Variants in NRG1 observed in about 807,000 individuals in gnomAD.
NRG1 encodes neuregulin 1, also known as pro-neuregulin-1, membrane-bound isoform.
NRG1 carries 18 observed loss-of-function variants against 63.8 expected under a neutral mutation model. The observed-to-expected ratio is 0.28, with a 90% CI of 0.19 to 0.42. The LOEUF (loss-of-function observed/expected upper bound fraction) is 0.42, where lower values mean the gene tolerates loss of function less well. NRG1 is among the 10% of genes least tolerant of loss of function. The pLI is 1.00. For missense variants in NRG1, 762 were observed against 814.7 expected (o/e 0.94, Z 0.79); for synonymous variants, 302 against 301.3 (o/e 1.00, Z -0.02).
intron 1 of NRG1, among the ~76,000 whole-genome samples, chr8:31,717,878 A>G (rs959066060): frequency 2.0e-4 from 31 of 152,192 alleles, no homozygotes; most frequent in African/African-American, 6.0e-4. Context: ...TTGAAAAATC[A>G]TGGTTGGGAA....
intron 1 of NRG1, among the ~76,000 whole-genome samples, chr8:31,779,804 T>C (rs1431724362): frequency 1.3e-5 from 2 of 152,210 alleles, no homozygotes; most frequent in African/African-American, 4.8e-5. Flanking sequence ...CAGTTTTCTA[T>C]TATATAAAAT....
intron 1 of NRG1, among the ~76,000 whole-genome samples, chr8:31,698,831 A>T (rs1810344851): frequency 6.6e-6 from 1 of 152,228 alleles, no homozygotes; most frequent in African/African-American, 2.4e-5. Context: ...GAAATTCCTG[A>T]AAAGCTAGAT....
chr8:32,070,693 C>T (rs1479569343), intron 1 of NRG1, among the ~76,000 whole-genome samples: 2 of 152,238 alleles, frequency 1.3e-5, no homozygotes, highest in Non-Finnish European at 2.9e-5. Context: ...AGCTCTCTTA[C>T]TCCCTAGAGC....
chr8:32,581,407 T>C (rs1371899205), intron 1 of NRG1, among the ~76,000 whole-genome samples: 1 of 152,210 alleles, frequency 6.6e-6, no homozygotes, highest in Non-Finnish European at 1.5e-5. Flanking sequence ...TTTACATAAA[T>C]CCTGTGCATT....
chr8:32,349,825 A>C (rs1805369006), intron 1 of NRG1, among the ~76,000 whole-genome samples: 1 of 152,184 alleles, frequency 6.6e-6, no homozygotes, highest in Non-Finnish European at 1.5e-5. Flanking sequence ...CCATGCTGAC[A>C]TTCCATATAG....
intron 1 of NRG1, among the ~76,000 whole-genome samples, chr8:32,193,189 G>T (rs1394300539): frequency 2.0e-5 from 3 of 152,162 alleles, no homozygotes; most frequent in Non-Finnish European, 2.9e-5. Flanking sequence ...CAGGGCTGGG[G>T]AGGATCCTTT....
At chr8:31,912,655 A>G (rs1363586455) in intron 1 of NRG1, among the ~76,000 whole-genome samples, 1 of 146,232 alleles carries the variant, frequency 6.8e-6, no homozygotes, top group African/African-American at 2.5e-5. Flanking sequence ...TCTTTGTAGG[A>G]GAAAGAAAGG....
chr8:31,643,277 T>C (rs1803978857), intron 1 of NRG1, among the ~76,000 whole-genome samples: 1 of 152,228 alleles, frequency 6.6e-6, no homozygotes, highest in African/African-American at 2.4e-5. Context: ...TGAGCCATAA[T>C]GCTAGGCTGG....
At chr8:32,659,550 G>A (rs1802365709) in intron 5 of NRG1, among the ~76,000 whole-genome samples, 1 of 152,128 alleles carries the variant, frequency 6.6e-6, no homozygotes, top group Non-Finnish European at 1.5e-5. Flanking sequence ...GATCTGTTTT[G>A]AAATTTATTG....
chr8:32,559,137 AC>A, intron 1 of NRG1, among the ~76,000 whole-genome samples: 1 of 147,926 alleles, frequency 6.8e-6, no homozygotes, highest in African/African-American at 2.5e-5. Context: ...CAATTTATTC[AC>A]CCCCCAAATT....
At chr8:32,176,002 CA>C (rs1328422198) in intron 1 of NRG1, among the ~76,000 whole-genome samples, 21 of 151,774 alleles carry the variant, frequency 1.4e-4, no homozygotes, top group Middle Eastern at 3.4e-3. Context: ...CATATGGAAC[CA>C]AAAAAGAGCC....
At chr8:32,752,139 T>G (rs1828851697) in intron 7 of NRG1, among the ~76,000 whole-genome samples, 1 of 152,136 alleles carries the variant, frequency 6.6e-6, no homozygotes, top group African/African-American at 2.4e-5. Flanking sequence ...CTCCTATTTC[T>G]TCACCAACTC....
intron 1 of NRG1, among the ~76,000 whole-genome samples, chr8:31,832,374 G>A (rs987244322): frequency 3.3e-5 from 5 of 150,238 alleles, no homozygotes; most frequent in Non-Finnish European, 7.4e-5. Flanking sequence ...ATCCTCCCAC[G>A]TCAGCCTCCC....
intron 1 of NRG1, among the ~76,000 whole-genome samples, chr8:32,541,449 T>C (rs1338737341): frequency 6.6e-6 from 1 of 151,706 alleles, no homozygotes; most frequent in Non-Finnish European, 1.5e-5. Context: ...TAATTTCCTA[T>C]ATACTATAAT....
chr8:32,066,099 T>C (rs1294290630), intron 1 of NRG1, among the ~76,000 whole-genome samples: 1 of 152,272 alleles, frequency 6.6e-6, no homozygotes, highest in Non-Finnish European at 1.5e-5. Context: ...CTTTGTCAGA[T>C]GAATAGATTG....
At chr8:32,728,440 A>C in intron 6 of NRG1, 1 of 985,308 alleles carries the variant, frequency 1.0e-6, no homozygotes, top group Non-Finnish European at 1.2e-6. Flanking sequence ...CAATGTATGA[A>C]TTAAGCTGTA....
chr8:32,547,628 C>G (rs545058239), upstream of NRG1, among the ~76,000 whole-genome samples: 25 of 151,478 alleles, frequency 1.7e-4, no homozygotes, highest in Admixed American at 4.6e-4. Context: ...CACACACACG[C>G]ACACGGCGCA....
intron 1 of NRG1, among the ~76,000 whole-genome samples, chr8:32,348,265 GT>G: frequency 6.6e-6 from 1 of 151,820 alleles, no homozygotes; most frequent in Non-Finnish European, 1.5e-5. Context: ...GTTTTGTTTT[GT>G]TTTTGTTTTA....
chr8:31,807,948 CGTGTGT>C (rs71208141), intron 1 of NRG1, among the ~76,000 whole-genome samples: 3,640 of 137,122 alleles, frequency 0.027, 63 homozygotes, highest in South Asian at 0.05. Context: ...AGAGTATTCG[CGTGTGT>C]GTGTGTGTGT....
Sources: allele counts gnomAD v4.1 joint callset (sites outside exome capture counted in the v4.1 genomes callset), GRCh38; gene constraint gnomAD v4.1.1; transcripts MANE v1.5; gene names NCBI Gene and HGNC (gene_info 2026-07-23, HGNC 2026-07-21).